ZMAT4: variants seen among roughly 807,000 people sequenced by gnomAD.
ZMAT4 encodes the protein zinc finger matrin-type protein 4.
ZMAT4 carries 17 observed loss-of-function variants against 28.7 expected under a neutral mutation model. The ratio of observed to expected loss-of-function variants is 0.59; its 90% CI spans 0.41 to 0.89. ZMAT4 has a LOEUF of 0.89. Among genes scored for constraint, ZMAT4 ranks in the 40% least tolerant of loss-of-function variants. ZMAT4 has a pLI of 0.00. For missense variants in ZMAT4, 240 were observed against 283.8 expected, an observed-to-expected ratio of 0.85 and a Z score of 1.11; for synonymous variants, 117 against 109.2, an observed-to-expected ratio of 1.07 and a Z score of -0.44.
intron 5 of ZMAT4, among the ~76,000 whole-genome samples, chr8:40,632,456 A>T (rs1433676312): frequency 2.0e-5 from 3 of 152,208 alleles, no homozygotes; most frequent in Non-Finnish European, 2.9e-5. Flanking sequence ...GGACTCCCAG[A>T]GGATATGTCC....
chr8:40,546,673 A>T (rs1293018742), intron 6 of ZMAT4, among the ~76,000 whole-genome samples: 1 of 152,210 alleles, frequency 6.6e-6, no homozygotes, highest in Non-Finnish European at 1.5e-5. Context: ...CAGCATAATT[A>T]TCTGCTTCCA....
At chr8:40,861,755 C>A (rs1817501612) in intron 1 of ZMAT4, among the ~76,000 whole-genome samples, 1 of 152,164 alleles carries the variant, frequency 6.6e-6, no homozygotes, top group Non-Finnish European at 1.5e-5. Flanking sequence ...AACAAGTGGG[C>A]AAAGGATATG....
intron 5 of ZMAT4, among the ~76,000 whole-genome samples, chr8:40,614,166 G>T (rs1309593689): frequency 6.6e-6 from 1 of 152,118 alleles, no homozygotes; most frequent in Non-Finnish European, 1.5e-5. Context: ...GCTGCCCTGG[G>T]TTTGCACCTT....
intron 4 of ZMAT4, chr8:40,690,842 C>T (rs1049979533): frequency 2.6e-5 from 24 of 929,020 alleles, no homozygotes; most frequent in Non-Finnish European, 3.0e-5. Flanking sequence ...AAGAAGAGAA[C>T]CAATAAGATT....
chr8:40,637,247 A>G (rs1406610686), intron 5 of ZMAT4, among the ~76,000 whole-genome samples: 1 of 152,236 alleles, frequency 6.6e-6, no homozygotes, highest in African/African-American at 2.4e-5. Flanking sequence ...AAAATAAAAT[A>G]ACATAAAATT....
chr8:40,651,596 C>T (rs1350252265), intron 5 of ZMAT4, among the ~76,000 whole-genome samples: 2 of 147,852 alleles, frequency 1.4e-5, no homozygotes, highest in African/African-American at 2.5e-5. Flanking sequence ...TCATATGGAA[C>T]CAAAAAAGAG....
chr8:40,745,949 T>C (rs894863413), intron 3 of ZMAT4, among the ~76,000 whole-genome samples: 1 of 152,142 alleles, frequency 6.6e-6, no homozygotes, highest in Non-Finnish European at 1.5e-5. Flanking sequence ...AAGCATCCCT[T>C]AGCTTCCCTG....
intron 5 of ZMAT4, among the ~76,000 whole-genome samples, chr8:40,591,977 GAA>G (rs11287617): frequency 0.33 from 49,897 of 151,304 alleles, 8,885 homozygotes; most frequent in East Asian, 0.4. Flanking sequence ...GTCTTTTATG[GAA>G]AAAAAAAAAT....
intron 3 of ZMAT4, among the ~76,000 whole-genome samples, chr8:40,723,892 T>C (rs1450597682): frequency 6.6e-6 from 1 of 152,084 alleles, no homozygotes; most frequent in Non-Finnish European, 1.5e-5. Flanking sequence ...GAGCTGCCAC[T>C]TCCTGAAAAT....
intron 5 of ZMAT4, among the ~76,000 whole-genome samples, chr8:40,605,260 G>A (rs906327939): frequency 2.0e-5 from 3 of 152,032 alleles, no homozygotes; most frequent in African/African-American, 7.2e-5. Flanking sequence ...AGTTCCTTGA[G>A]GTGTGACCTT....
intron 3 of ZMAT4, among the ~76,000 whole-genome samples, chr8:40,743,462 G>C (rs1314959935): frequency 6.6e-6 from 1 of 152,214 alleles, no homozygotes. Flanking sequence ...AGCTTCGCAA[G>C]GGACGTTCTG....
At chr8:40,690,893 C>G (rs1809634373) in intron 4 of ZMAT4, 1 of 984,686 alleles carries the variant, frequency 1.0e-6, no homozygotes, top group African/African-American at 1.7e-5. Context: ...ACAATACATG[C>G]AATGAATGAG....
At position 40,654,139 on chromosome 8, in the gene ZMAT4, T is replaced by C. The variant is rs568736270; in HGVS notation, c.577+20565A>G. Among the ~76,000 whole-genome samples the C allele has an allele frequency of 3.3e-5, 5 of 152,300 alleles. No homozygotes were observed. In the East Asian group the frequency reaches 9.6e-4, roughly 29 times the overall value. On this transcript the variant is annotated intron_variant, in intron 5 of 6. Coordinates refer to ENST00000297737, the MANE Select transcript of ZMAT4 (RefSeq NM_024645.3). ...AACTGTGCTCAACATCTGCTAGTCA[T>C]AGGCAAAATAAATCTTGTAGCTATA...
chr8:40,889,286 G>T (rs570736829), intron 1 of ZMAT4, among the ~76,000 whole-genome samples: 1 of 152,184 alleles, frequency 6.6e-6, no homozygotes, highest in Non-Finnish European at 1.5e-5. Flanking sequence ...CAAAGCAGGC[G>T]GCACTTGCCG....
chr8:40,778,010 A>G (rs1001137230), intron 2 of ZMAT4, among the ~76,000 whole-genome samples: 1 of 152,218 alleles, frequency 6.6e-6, no homozygotes, highest in African/African-American at 2.4e-5. Flanking sequence ...AATATTCTGC[A>G]CAGGGCTGTT....
intron 5 of ZMAT4, among the ~76,000 whole-genome samples, chr8:40,642,604 T>A (rs933061058): frequency 6.6e-6 from 1 of 152,198 alleles, no homozygotes; most frequent in African/African-American, 2.4e-5. Flanking sequence ...TCTTCCTTCA[T>A]AAGAACAACC....
intron 2 of ZMAT4, chr8:40,786,717 C>G: frequency 7.8e-7 from 1 of 1,289,300 alleles, no homozygotes; most frequent in Non-Finnish European, 1.0e-6. Context: ...CCACCTTCTT[C>G]AGTGTGACAT....
intron 5 of ZMAT4, among the ~76,000 whole-genome samples, chr8:40,669,191 T>C (rs1808566890): frequency 6.6e-6 from 1 of 152,084 alleles, no homozygotes; most frequent in African/African-American, 2.4e-5. Flanking sequence ...CAGTGCCAGA[T>C]GACGAGGAAG....
At chr8:40,884,744 G>T (rs1183963060) in intron 1 of ZMAT4, 1 of 152,234 alleles carries the variant, frequency 6.6e-6, no homozygotes, top group Non-Finnish European at 1.5e-5. Context: ...CCCCATTGCT[G>T]GTTCCTCTCC....
Sources: allele counts gnomAD v4.1 joint callset (sites outside exome capture counted in the v4.1 genomes callset), GRCh38; gene constraint gnomAD v4.1.1; transcripts MANE v1.5; gene names NCBI Gene and HGNC (gene_info 2026-07-23, HGNC 2026-07-21).